Variants in SMYD3 observed in about 807,000 individuals in gnomAD.
The protein encoded by SMYD3 is histone-lysine N-methyltransferase SMYD3.
In SMYD3, 36 loss-of-function variants were observed where a neutral mutation model predicts 57.7. That is an observed-to-expected ratio of 0.62 (90% CI 0.48 to 0.82). The LOEUF (loss-of-function observed/expected upper bound fraction) is 0.82. Ranked by LOEUF, SMYD3 falls within the 40% of genes least tolerant of loss-of-function variation. The pLI, the probability that SMYD3 is intolerant of heterozygous loss-of-function variation, is 0.00. For synonymous variants in SMYD3, 211 were observed against 195.0 expected (o/e 1.08, Z -0.68); for missense variants, 515 against 538.8 (o/e 0.96, Z 0.44).
At chr1:246,264,069 C>T (rs1558360222) in intron 5 of SMYD3, among the ~76,000 whole-genome samples, 2 of 151,626 alleles carry the variant, frequency 1.3e-5, no homozygotes, top group Non-Finnish European at 2.9e-5. Context: ...TTTTTAAAAA[C>T]TTTGTAACCT....
chr1:245,804,388 C>G (rs1406928880), intron 10 of SMYD3, among the ~76,000 whole-genome samples: 3 of 152,052 alleles, frequency 2.0e-5, no homozygotes, highest in Non-Finnish European at 1.5e-5. Flanking sequence ...CCAGACCATC[C>G]TGGCTAATGT....
intron 5 of SMYD3, among the ~76,000 whole-genome samples, chr1:246,000,948 C>A (rs559053536): frequency 1.7e-4 from 26 of 152,300 alleles, no homozygotes; most frequent in African/African-American, 6.0e-4. Flanking sequence ...AACTTAGAGA[C>A]TGCTTTATTT....
intron 1 of SMYD3, among the ~76,000 whole-genome samples, chr1:246,490,157 G>A (rs1462126160): frequency 6.6e-6 from 1 of 151,978 alleles, no homozygotes; most frequent in Non-Finnish European, 1.5e-5. Context: ...TTTCATAGAT[G>A]AATTAAATAA....
chr1:246,090,834 C>T (rs4654195), intron 5 of SMYD3, among the ~76,000 whole-genome samples: 59,427 of 151,956 alleles, frequency 0.39, 14,987 homozygotes, highest in Non-Finnish European at 0.56. Flanking sequence ...TTTTCTTTTG[C>T]CTCTTAACTC....
chr1:246,427,954 C>A (rs2067245675), intron 1 of SMYD3, among the ~76,000 whole-genome samples: 1 of 152,058 alleles, frequency 6.6e-6, no homozygotes, highest in South Asian at 2.1e-4. Flanking sequence ...AGAGGAATTC[C>A]AAATACAGAC....
chr1:245,865,060 T>C (rs561416151), intron 8 of SMYD3, among the ~76,000 whole-genome samples: 1 of 152,360 alleles, frequency 6.6e-6, no homozygotes, highest in African/African-American at 2.4e-5. Context: ...TGGCACATAG[T>C]AGTTGCTTAC....
At chr1:245,869,321 C>T (rs1242992536) in intron 8 of SMYD3, among the ~76,000 whole-genome samples, 1 of 152,194 alleles carries the variant, frequency 6.6e-6, no homozygotes, top group African/African-American at 2.4e-5. Context: ...GAATGAAGAA[C>T]CTGCTGGTTC....
intron 10 of SMYD3, among the ~76,000 whole-genome samples, chr1:245,816,804 C>T (rs1048024005): frequency 9.2e-5 from 14 of 152,266 alleles, no homozygotes; most frequent in Non-Finnish European, 1.9e-4. Context: ...CCTGGAAAAT[C>T]GGGTCACTCC....
chr1:246,444,760 C>G (rs879347458), intron 1 of SMYD3, among the ~76,000 whole-genome samples: 1 of 152,170 alleles, frequency 6.6e-6, no homozygotes, highest in Non-Finnish European at 1.5e-5. Context: ...ATCTAAAAAA[C>G]AGCTCCAGAG....
chr1:246,376,929 A>G (rs952514293), intron 1 of SMYD3, among the ~76,000 whole-genome samples: 7 of 152,004 alleles, frequency 4.6e-5, no homozygotes, highest in Non-Finnish European at 1.0e-4. Context: ...GTGAAACCCC[A>G]TCTCTACTAA....
intron 1 of SMYD3, among the ~76,000 whole-genome samples, chr1:246,504,767 A>G (rs1042835934): frequency 1.3e-5 from 2 of 152,250 alleles, no homozygotes; most frequent in Admixed American, 6.5e-5. Context: ...TGTGTTAGAC[A>G]CTGGGGCTAC....
At chr1:245,798,407 T>TACACACACACACACATACACACAC (rs1402299710) in intron 10 of SMYD3, among the ~76,000 whole-genome samples, 7 of 16,320 alleles carry the variant, frequency 4.3e-4, no homozygotes, top group South Asian at 3.0e-3. Flanking sequence ...CACACACACA[T>TACACACACACACACATACACACAC]ACACACACAT....
rs190199560 is a variant in SMYD3 at position 246,505,414 on chromosome 1, A to G, written c.164+1640T>C. On this transcript the variant is annotated intron_variant, in intron 1 of 11. Coordinates refer to ENST00000490107, the MANE Select transcript of SMYD3 (RefSeq NM_001167740.2). ...GTTGAGAGAATCACTCTCCAGCAAC[A>G]GTGAGTTTCCCAAGGAGCAGCAGCA... Among the ~76,000 whole-genome samples, 972 of 147,966 alleles carry G rather than the reference A, an allele frequency of 6.6e-3. 12 individuals are homozygous for G. The highest frequency in any genetic ancestry group is 0.025 in the African/African-American group (947 of 37,908).
At chr1:245,907,400 T>C (rs771640519) in intron 8 of SMYD3, among the ~76,000 whole-genome samples, 2 of 152,170 alleles carry the variant, frequency 1.3e-5, no homozygotes, top group Non-Finnish European at 2.9e-5. Context: ...AGAGAAAACC[T>C]ATTTAACGAA....
intron 5 of SMYD3, among the ~76,000 whole-genome samples, chr1:246,010,071 A>T (rs2059255109): frequency 1.4e-5 from 2 of 142,858 alleles, no homozygotes; most frequent in Non-Finnish European, 3.0e-5. Context: ...AGCCTGTGCA[A>T]CAGAGCAAGA....
At chr1:246,151,227 C>T (rs1241220456) in intron 5 of SMYD3, among the ~76,000 whole-genome samples, 2 of 146,006 alleles carry the variant, frequency 1.4e-5, no homozygotes, top group East Asian at 4.0e-4. Flanking sequence ...GCCTGGGTAA[C>T]AGAGTAAGAC....
intron 5 of SMYD3, among the ~76,000 whole-genome samples, chr1:246,159,415 A>C (rs939893438): frequency 6.6e-5 from 10 of 152,182 alleles, no homozygotes; most frequent in Non-Finnish European, 1.5e-5. Flanking sequence ...CAGCCTAGTC[A>C]GTCCCTTCCT....
At chr1:245,889,464 G>T (rs1483232119) in intron 8 of SMYD3, among the ~76,000 whole-genome samples, 1 of 152,098 alleles carries the variant, frequency 6.6e-6, no homozygotes, top group African/African-American at 2.4e-5. Flanking sequence ...CTGCAGCCCT[G>T]AAGTTTCTGT....
chr1:245,813,011 T>TTC (rs1192619630), intron 10 of SMYD3, among the ~76,000 whole-genome samples: 1 of 101,792 alleles, frequency 9.8e-6, no homozygotes, highest in Non-Finnish European at 1.9e-5. Context: ...GCTTCTTTTT[T>TTC]TTTTTTTTTT....
Sources: allele counts gnomAD v4.1 joint callset (sites outside exome capture counted in the v4.1 genomes callset), GRCh38; gene constraint gnomAD v4.1.1; transcripts MANE v1.5; gene names NCBI Gene and HGNC (gene_info 2026-07-23, HGNC 2026-07-21).